The following XKR6 variants were observed in gnomAD, a reference collection of about 807,000 sequenced individuals.
XKR6 encodes the protein XK related 6, also known as XK-related protein 6.
Under a neutral mutation model 56.7 loss-of-function variants are expected in XKR6, and 22 were observed. That is an observed-to-expected ratio of 0.39 (90% confidence interval 0.28 to 0.55). The LOEUF is 0.55. Among genes scored for constraint, XKR6 ranks in the 20% least tolerant of loss-of-function variants. The probability of loss-of-function intolerance (pLI) is 0.66; values close to 1 mark genes in which losing one functional copy is unlikely to be tolerated. For missense variants in XKR6, 852 were observed against 889.0 expected (o/e 0.96, Z 0.53); for synonymous variants, 524 against 387.8 (o/e 1.35, Z -4.13).
At chr8:10,972,927 G>C (rs1429668350) in intron 1 of XKR6, among the ~76,000 whole-genome samples, 1 of 152,152 alleles carries the variant, frequency 6.6e-6, no homozygotes, top group African/African-American at 2.4e-5. Context: ...CAAGAGTCCT[G>C]TGCACAGGTT....
chr8:11,107,880 G>A, intron 1 of XKR6: 1 of 194,114 alleles, frequency 5.2e-6, no homozygotes, highest in South Asian at 9.6e-5. Context: ...AAAAGACAGT[G>A]GTATCCTGTC....
At chr8:11,174,415 T>G (rs1361373976) in intron 1 of XKR6, among the ~76,000 whole-genome samples, 1 of 152,100 alleles carries the variant, frequency 6.6e-6, no homozygotes, top group African/African-American at 2.4e-5. Flanking sequence ...GAAATCAGAG[T>G]GTATGTCCAG....
chr8:10,929,950 T>C (rs1294857253), intron 1 of XKR6, among the ~76,000 whole-genome samples: 1 of 152,238 alleles, frequency 6.6e-6, no homozygotes, highest in East Asian at 1.9e-4. Flanking sequence ...CAGAAGTATC[T>C]AGTCCTCTGA....
At chr8:10,918,955 C>T (rs919839720) in intron 2 of XKR6, among the ~76,000 whole-genome samples, 3 of 152,220 alleles carry the variant, frequency 2.0e-5, no homozygotes, top group Admixed American at 1.3e-4. Flanking sequence ...GCTCCTAGCT[C>T]AGCCCTTGCT....
intron 1 of XKR6, among the ~76,000 whole-genome samples, chr8:11,092,184 C>T (rs902221992): frequency 3.3e-5 from 5 of 152,114 alleles, no homozygotes; most frequent in African/African-American, 7.2e-5. Flanking sequence ...TTCAGGTTTG[C>T]GATAAGGGAC....
intron 2 of XKR6, among the ~76,000 whole-genome samples, chr8:10,901,206 C>G (rs527482946): frequency 6.6e-6 from 1 of 152,190 alleles, no homozygotes; most frequent in East Asian, 1.9e-4. Context: ...CAGGTGCACA[C>G]CACCATGCCT....
intron 1 of XKR6, among the ~76,000 whole-genome samples, chr8:11,032,892 G>A (rs938425080): frequency 2.6e-5 from 4 of 152,192 alleles, no homozygotes; most frequent in Non-Finnish European, 5.9e-5. Context: ...TTTGCTGGTG[G>A]TGGAGATGGT....
At chr8:11,062,929 T>G (rs1203257036) in intron 1 of XKR6, 3 of 446,834 alleles carry the variant, frequency 6.7e-6, no homozygotes, top group African/African-American at 6.0e-5. Context: ...TCTATTCTCT[T>G]TCTTCATGCA....
At chr8:11,173,180 C>G (rs1160121697) in intron 1 of XKR6, among the ~76,000 whole-genome samples, 3 of 120,260 alleles carry the variant, frequency 2.5e-5, no homozygotes, top group South Asian at 2.6e-4. Context: ...CTAAAAAATA[C>G]AAAAAAAAAA....
At chr8:11,076,780 C>T (rs369793635) in intron 1 of XKR6, among the ~76,000 whole-genome samples, 6 of 152,320 alleles carry the variant, frequency 3.9e-5, no homozygotes, top group Admixed American at 1.3e-4. Context: ...AACTCTGGGC[C>T]CGCAGAGGAC....
intron 1 of XKR6, among the ~76,000 whole-genome samples, chr8:11,004,399 G>C (rs895063221): frequency 5.9e-5 from 9 of 152,158 alleles, no homozygotes; most frequent in African/African-American, 1.7e-4. Flanking sequence ...TTGAACCCAG[G>C]AGGCGGAGGT....
intron 1 of XKR6, among the ~76,000 whole-genome samples, chr8:11,130,459 G>A (rs1586588587): frequency 1.3e-5 from 2 of 152,278 alleles, no homozygotes; most frequent in Admixed American, 1.3e-4. Flanking sequence ...ACCGGGACGT[G>A]TGTGTTACAC....
rs183482967 is a variant in XKR6 at position 11,006,029 on chromosome 8, A to T, written c.765-81199T>A. Among the ~76,000 whole-genome samples the T allele has an allele frequency of 2.3e-3, 353 of 152,042 alleles. 1 individual carries two copies. Among genetic ancestry groups the T allele is most frequent in the Non-Finnish European group, 3.8e-3 (258 of 67,980 alleles). ...TGGATAATTTTTGTACTTTCAGTAG[A>T]GACGGGGTTTCACCATGGTGGCCAG... On this transcript the variant is annotated intron_variant, in intron 1 of 2. Coordinates refer to ENST00000416569, the MANE Select transcript of XKR6 (RefSeq NM_173683.4).
intron 1 of XKR6, among the ~76,000 whole-genome samples, chr8:10,977,066 C>G (rs1395658379): frequency 1.3e-5 from 2 of 152,146 alleles, no homozygotes; most frequent in South Asian, 4.1e-4. Context: ...GGCCAGGTGA[C>G]ATGCCCAAGA....
At chr8:11,197,715 T>C (rs1012536997) in intron 1 of XKR6, among the ~76,000 whole-genome samples, 1 of 152,214 alleles carries the variant, frequency 6.6e-6, no homozygotes, top group Non-Finnish European at 1.5e-5. Flanking sequence ...CATTCTTCCA[T>C]GCTCCAATTT....
chr8:10,908,892 C>T (rs549433183), intron 2 of XKR6, among the ~76,000 whole-genome samples: 30 of 152,254 alleles, frequency 2.0e-4, no homozygotes, highest in South Asian at 4.2e-4. Flanking sequence ...GGACTGGGCA[C>T]GGTGGCTCAC....
chr8:11,093,046 C>CTTTTTT (rs1798131391), intron 1 of XKR6, among the ~76,000 whole-genome samples: 1 of 151,816 alleles, frequency 6.6e-6, no homozygotes, highest in Non-Finnish European at 1.5e-5. Flanking sequence ...CTTTCTTTCT[C>CTTTTTT]TTTCTTTTTC....
chr8:11,106,390 T>G (rs907501074), intron 1 of XKR6: 4 of 152,268 alleles, frequency 2.6e-5, no homozygotes, highest in African/African-American at 9.7e-5. Context: ...GAGGCCGGTA[T>G]CGGGTCTTCC....
At position 11,178,551 on chromosome 8, in the gene XKR6, T is replaced by TATATATATATATAC. The variant is rs1554479878; in HGVS notation, c.764+22024_764+22025insGTATATATATATAT. 5.8e-4 allele frequency among the ~76,000 whole-genome samples: 68 copies of TATATATATATATAC among 116,308 alleles called. 1 individual carries two copies. Among genetic ancestry groups the TATATATATATATAC allele is most frequent in the African/African-American group, 3.8e-3 (67 of 17,836 alleles). The allele number at this position is 116,308 out of a possible 152,430, so 76.3% of individuals were successfully genotyped here. ...TCCAAACATCTGAGAGGTAAAAATA[T>TATATATATATATAC]ATATATATATATATATATATATGTA... On this transcript the variant is annotated intron_variant, in intron 1 of 2. Transcript: ENST00000416569.
Sources: allele counts gnomAD v4.1 joint callset (sites outside exome capture counted in the v4.1 genomes callset), GRCh38; gene constraint gnomAD v4.1.1; transcripts MANE v1.5; gene names NCBI Gene and HGNC (gene_info 2026-07-23, HGNC 2026-07-21).